Variants in BANP observed in about 807,000 individuals in gnomAD.
BANP encodes the protein protein BANP.
In BANP, 11 loss-of-function variants were observed where a neutral mutation model predicts 68.1. The ratio of observed to expected loss-of-function variants is 0.16; its 90% CI spans 0.10 to 0.27. The LOEUF (loss-of-function observed/expected upper bound fraction) is 0.27, where lower values mean the gene tolerates loss of function less well. Among genes scored for constraint, BANP ranks in the 10% least tolerant of loss-of-function variants. The pLI is 1.00. For missense variants in BANP, 504 were observed against 722.7 expected (o/e 0.70, Z 3.47); for synonymous variants, 329 against 303.2 (o/e 1.09, Z -0.88).
intron 6 of BANP, among the ~76,000 whole-genome samples, chr16:88,014,736 G>A (rs1029408385): frequency 6.6e-6 from 1 of 152,074 alleles, no homozygotes. Flanking sequence ...GGTGATGGTC[G>A]GGGAGGCTGG....
At chr16:87,966,245 C>T (rs765420421) in intron 1 of BANP, among the ~76,000 whole-genome samples, 5 of 152,278 alleles carry the variant, frequency 3.3e-5, no homozygotes, top group Non-Finnish European at 5.9e-5. Flanking sequence ...CAGGGTGTTA[C>T]TCTGGGCTGT....
At chr16:87,951,593 C>T (rs999901261) in intron 1 of BANP, 78 bp downstream of exon 1, 2 of 151,008 alleles carry the variant, frequency 1.3e-5, no homozygotes, top group South Asian at 3.5e-4. Context: ...AGATCTCCCT[C>T]CTCCCTCCTC....
Position 88,071,719 on chromosome 16 carries a change from C to A in BANP, c.1378-350C>A. 1 of 525,724 alleles carries A rather than the reference C, an allele frequency of 1.9e-6. No individual in the cohort carries two copies. The highest frequency in any genetic ancestry group is 3.7e-6 in the Non-Finnish European group (1 of 272,210). The allele number at this position is 525,724 out of a possible 1,614,324, so 32.6% of individuals were successfully genotyped here. Reference sequence around the variant, plus strand: ...GAGCGCTTGTGCTCTTCATGGTTGCCACTGGGATTTTCCAGGAGGCTCTGT... The same window carrying A: ...GAGCGCTTGTGCTCTTCATGGTTGCAACTGGGATTTTCCAGGAGGCTCTGT... On this transcript the variant is annotated intron_variant, in intron 12 of 13. Transcript: ENST00000682872. The surrounding 1 kb of genome is among the most constrained non-coding windows in gnomAD (Gnocchi z 6.5).
intron 4 of BANP, among the ~76,000 whole-genome samples, chr16:88,001,844 TG>T (rs747772066): frequency 1.2e-3 from 179 of 152,138 alleles, no homozygotes; most frequent in Non-Finnish European, 2.0e-3. Context: ...CGTATGCATT[TG>T]CAACAGAAAT....
intron 7 of BANP, among the ~76,000 whole-genome samples, chr16:88,020,064 C>T (rs569615742): frequency 6.6e-6 from 1 of 152,324 alleles, no homozygotes; most frequent in South Asian, 2.1e-4. Flanking sequence ...CAGATAACTC[C>T]TGGGAGACCA....
At position 87,984,063 on chromosome 16, in the gene BANP, T is replaced by C; in HGVS notation, c.166T>C (p.Phe56Leu). Residue 56 changes from phenylalanine to leucine, a missense_variant, in exon 4 of 14, where the codon TTC (phenylalanine) becomes CTC (leucine). Coordinates refer to ENST00000682872, the MANE Select transcript of BANP (RefSeq NM_001386991.1). ...INCQDPSIKS[F>L]LYSINQTICL... is the part of the protein sequence containing the mutation. The stretch of plus-strand genomic sequence containing the variant: ...GCCGGTCTTTTTTCACTTCCAGTCA[T>C]TCCTGTATTCCATCAACCAGACAAT... The C allele has an allele frequency of 1.2e-6, 2 of 1,614,010 alleles. No individual in the cohort carries two copies. The highest frequency in any genetic ancestry group is 2.2e-5 in the East Asian group (1 of 44,884).
At chr16:87,983,685 G>C (rs116046284) in intron 3 of BANP, among the ~76,000 whole-genome samples, 1 of 151,712 alleles carries the variant, frequency 6.6e-6, no homozygotes. Flanking sequence ...TTTATGCTGT[G>C]TCGATGTTAG....
chr16:87,971,929 A>G (rs2061203581), intron 1 of BANP, among the ~76,000 whole-genome samples: 1 of 151,996 alleles, frequency 6.6e-6, no homozygotes, highest in South Asian at 2.1e-4. Flanking sequence ...AGTAGCAGGG[A>G]CCACAGGCAG....
At chr16:87,950,476 C>T (rs949756532), upstream of BANP, 1 of 151,976 alleles carries the variant, frequency 6.6e-6, no homozygotes, top group African/African-American at 2.4e-5. Context: ...CGCTCTGTCG[C>T]CAGGCTGGAG....
At chr16:88,012,320 A>G (rs2073365161) in intron 6 of BANP, among the ~76,000 whole-genome samples, 1 of 152,228 alleles carries the variant, frequency 6.6e-6, no homozygotes, top group Non-Finnish European at 1.5e-5. Flanking sequence ...AAATTCATAA[A>G]CAGCTTGAGT....
rs547311910 is a variant in BANP at position 87,993,241 on chromosome 16, CTCTT to C, written c.362+8985_362+8988del. Among the ~76,000 whole-genome samples, 272 of 152,360 alleles carry C rather than the reference CTCTT, an allele frequency of 1.8e-3. 1 individual carries two copies. Among genetic ancestry groups the C allele is most frequent in the African/African-American group, 5.9e-3 (245 of 41,588 alleles). ...TTCAGCATTTTCCACAGTCAAGTGACTCTTTCAGCTTTCATCCTGCACTTGGGAA... is the reference window on the plus strand; with the variant it reads ...TTCAGCATTTTCCACAGTCAAGTGACTCAGCTTTCATCCTGCACTTGGGAA... On this transcript the variant is annotated intron_variant, in intron 4 of 13. Coordinates refer to ENST00000682872, the MANE Select transcript of BANP (RefSeq NM_001386991.1).
At chr16:87,996,258 G>A (rs762205543) in intron 4 of BANP, among the ~76,000 whole-genome samples, 5 of 152,176 alleles carry the variant, frequency 3.3e-5, no homozygotes, top group Non-Finnish European at 7.4e-5. Context: ...GCCTGAGACC[G>A]GGACCCACCT....
intron 11 of BANP, among the ~76,000 whole-genome samples, chr16:88,054,167 C>CCAT (rs1160400622): frequency 6.1e-5 from 6 of 98,064 alleles, no homozygotes; most frequent in Non-Finnish European, 9.8e-5. Context: ...ACCATCATCT[C>CCAT]CATCATCATC....
At chr16:88,017,838 G>A (rs1406866438) in intron 6 of BANP, among the ~76,000 whole-genome samples, 1 of 152,236 alleles carries the variant, frequency 6.6e-6, no homozygotes, top group Non-Finnish European at 1.5e-5. Flanking sequence ...ACCTGAATGC[G>A]CTGCTCTGGG....
intron 1 of BANP, chr16:87,952,181 G>A (rs2057061414): frequency 6.6e-6 from 1 of 152,282 alleles, no homozygotes; most frequent in Non-Finnish European, 1.5e-5. Context: ...TCCCCCCTAG[G>A]ATGCAGAAAG....
At chr16:87,968,873 TTC>T (rs1433732649) in intron 1 of BANP, among the ~76,000 whole-genome samples, 4 of 152,216 alleles carry the variant, frequency 2.6e-5, no homozygotes, top group Non-Finnish European at 5.9e-5. Context: ...AAAAGTATAC[TTC>T]TTTTTCTTTT....
In BANP at chr16:87,972,421, GT is replaced by G. The variant is rs568476276; in HGVS notation, c.-68-2617del. Among the ~76,000 whole-genome samples, 241 of 147,866 alleles carry G rather than the reference GT, an allele frequency of 1.6e-3. 3 individuals carry two copies. In the South Asian group the frequency reaches 0.025, roughly 15 times the overall value. ...GTTTGTTTTGAATTATCAGGGTATA[GT>G]TTTTTTTTTCTTTTTAGTTTTCGTC... is the stretch of plus-strand genomic sequence containing the variant. On this transcript the variant is annotated intron_variant, in intron 1 of 13. Transcript: ENST00000682872.
At chr16:87,978,446 T>G (rs924457550) in intron 2 of BANP, 2 of 348,714 alleles carry the variant, frequency 5.7e-6, no homozygotes, top group Non-Finnish European at 1.2e-5. Flanking sequence ...CCAGGCCTTG[T>G]GTGATGACCG....
intron 11 of BANP, among the ~76,000 whole-genome samples, chr16:88,040,469 G>A (rs529480925): frequency 1.7e-4 from 25 of 150,096 alleles, no homozygotes; most frequent in Middle Eastern, 6.8e-3. Context: ...TCTCCTCCCC[G>A]TCCCCATGCC....
Sources: gnomAD v4.1 joint callset for allele counts (sites outside exome capture counted in the v4.1 genomes callset) on GRCh38, gnomAD v4.1.1 for gene constraint, Gnocchi (gnomAD v3.1) non-coding constraint, MANE v1.5 for transcripts, NCBI Gene and HGNC (gene_info 2026-07-23, HGNC 2026-07-21) for gene names.